The following ROBO1 variants were observed in gnomAD, a reference collection of about 807,000 sequenced individuals.
ROBO1 encodes the protein roundabout guidance receptor 1, also known as roundabout homolog 1.
In ROBO1, 149 loss-of-function variants were observed where a neutral mutation model predicts 195.9. The observed-to-expected ratio is 0.76, with a 90% confidence interval of 0.67 to 0.87. The LOEUF (loss-of-function observed/expected upper bound fraction) is 0.87, where lower values mean the gene tolerates loss of function less well. ROBO1 is among the 40% of genes least tolerant of loss of function. The probability of loss-of-function intolerance (pLI) is 0.00; values close to 1 mark genes in which losing one functional copy is unlikely to be tolerated. For missense variants in ROBO1, 1,933 were observed against 2,068.3 expected (o/e 0.93, Z 1.27); for synonymous variants, 816 against 733.2 (o/e 1.11, Z -1.82).
chr3:78,707,155 G>C (rs184276932), intron 8 of ROBO1, among the ~76,000 whole-genome samples: 2 of 152,082 alleles, frequency 1.3e-5, no homozygotes, highest in Non-Finnish European at 2.9e-5. Flanking sequence ...CATAAACTGC[G>C]GTGTCCTAGA....
At chr3:79,602,352 A>T (rs979552048) in intron 1 of ROBO1, among the ~76,000 whole-genome samples, 15 of 151,892 alleles carry the variant, frequency 9.9e-5, no homozygotes, top group Admixed American at 9.9e-4. Context: ...GGTAGGGAAA[A>T]TTTTTTCTGA....
chr3:78,651,618 A>T (rs1241131046), intron 19 of ROBO1, 114 bp downstream of exon 19: 2 of 775,134 alleles, frequency 2.6e-6, no homozygotes, highest in Non-Finnish European at 3.9e-6. Context: ...GAAAATCTTT[A>T]TATATTAAAA....
At chr3:79,404,052 G>A (rs1273724984) in intron 2 of ROBO1, among the ~76,000 whole-genome samples, 1 of 151,954 alleles carries the variant, frequency 6.6e-6, no homozygotes, top group Non-Finnish European at 1.5e-5. Flanking sequence ...TCATGCTTCT[G>A]TAGAGTTTTA....
chr3:79,721,682 G>A (rs1367477202), intron 1 of ROBO1, among the ~76,000 whole-genome samples: 1 of 152,206 alleles, frequency 6.6e-6, no homozygotes, highest in Non-Finnish European at 1.5e-5. Flanking sequence ...AATGCAGGAT[G>A]AGAAGTAGGG....
intron 4 of ROBO1, among the ~76,000 whole-genome samples, chr3:78,851,075 T>C (rs1292161214): frequency 6.6e-6 from 1 of 152,118 alleles, no homozygotes. Context: ...CTCCCAAAGC[T>C]GGGATTACAG....
chr3:79,672,221 A>C (rs1025675818), intron 1 of ROBO1, among the ~76,000 whole-genome samples: 2 of 151,974 alleles, frequency 1.3e-5, no homozygotes, highest in African/African-American at 4.8e-5. Flanking sequence ...TTTCTGAATG[A>C]ATTGTTCACT....
At chr3:79,721,206 A>G (rs1242416528) in intron 1 of ROBO1, among the ~76,000 whole-genome samples, 3 of 152,182 alleles carry the variant, frequency 2.0e-5, no homozygotes, top group African/African-American at 7.2e-5. Flanking sequence ...ATGCCAAGTG[A>G]AGAACCCCTG....
At chr3:79,525,557 A>ATATATATAT in intron 2 of ROBO1, among the ~76,000 whole-genome samples, 1 of 136,940 alleles carries the variant, frequency 7.3e-6, no homozygotes, top group African/African-American at 2.8e-5. Flanking sequence ...TATATATATA[A>ATATATATAT]ATATATATAT....
At position 78,717,708 on chromosome 3, in the gene ROBO1, C is replaced by A; in HGVS notation, c.778+55G>T. 3.8e-6 allele frequency: 6 copies of A among 1,580,460 alleles called. No homozygotes were observed. The South Asian group carries it at 5.7e-5, about 15-fold the overall frequency. On this transcript the variant is annotated intron_variant, in intron 6 of 30. Coordinates refer to ENST00000464233, the MANE Select transcript of ROBO1 (RefSeq NM_002941.4). Reference sequence around the variant, plus strand: ...TTTCTTTCCCCCTTGTATACAGACACAAAATGATAAGAGATCTATTTTTCA... The same window carrying A: ...TTTCTTTCCCCCTTGTATACAGACAAAAAATGATAAGAGATCTATTTTTCA...
At chr3:79,656,457 C>T (rs1946166276) in intron 1 of ROBO1, among the ~76,000 whole-genome samples, 1 of 152,076 alleles carries the variant, frequency 6.6e-6, no homozygotes, top group South Asian at 2.1e-4. Context: ...ACAGGAAATG[C>T]AAATTCCTAA....
chr3:78,617,595 A>C (rs774157548), intron 27 of ROBO1, 40 bp downstream of exon 27: 8 of 1,552,950 alleles, frequency 5.2e-6, no homozygotes, highest in Non-Finnish European at 7.0e-6. Context: ...ATATACATTG[A>C]GTTTTCTTTC....
intron 3 of ROBO1, among the ~76,000 whole-genome samples, chr3:79,030,922 A>G (rs905608361): frequency 6.6e-6 from 1 of 152,072 alleles, no homozygotes; most frequent in Non-Finnish European, 1.5e-5. Flanking sequence ...GGGTTTCTCC[A>G]TGTTGGCCAG....
intron 1 of ROBO1, among the ~76,000 whole-genome samples, chr3:79,664,850 A>C (rs1465025262): frequency 2.0e-5 from 3 of 152,008 alleles, no homozygotes; most frequent in African/African-American, 7.2e-5. Context: ...GTTTTCTGAA[A>C]AGTAAAGGAG....
intron 2 of ROBO1, among the ~76,000 whole-genome samples, chr3:79,332,847 G>C (rs1455955705): frequency 6.6e-6 from 1 of 152,162 alleles, no homozygotes; most frequent in Non-Finnish European, 1.5e-5. Flanking sequence ...ATCAAACACA[G>C]TCTCTGACCT....
chr3:78,944,271 G>A (rs1162204523), intron 3 of ROBO1, among the ~76,000 whole-genome samples: 3 of 152,210 alleles, frequency 2.0e-5, no homozygotes, highest in Non-Finnish European at 4.4e-5. Context: ...AACATGCTTT[G>A]TTCACACTTG....
intron 2 of ROBO1, among the ~76,000 whole-genome samples, chr3:79,333,030 C>T (rs893733803): frequency 6.6e-6 from 1 of 151,914 alleles, no homozygotes; most frequent in Non-Finnish European, 1.5e-5. Flanking sequence ...GGCGAAACCC[C>T]GTCTCTGCTG....
At chr3:79,565,396 C>G (rs1487883558) in intron 2 of ROBO1, among the ~76,000 whole-genome samples, 1 of 151,712 alleles carries the variant, frequency 6.6e-6, no homozygotes, top group Non-Finnish European at 1.5e-5. Context: ...TAAAGTGATA[C>G]TGTATTACTA....
chr3:78,648,453 G>A (rs1169166170), intron 19 of ROBO1, among the ~76,000 whole-genome samples: 2 of 151,976 alleles, frequency 1.3e-5, no homozygotes, highest in Non-Finnish European at 2.9e-5. Flanking sequence ...ACACCCTTCT[G>A]AAAACCTTCA....
At chr3:78,820,500 G>A (rs1483816913) in intron 4 of ROBO1, among the ~76,000 whole-genome samples, 2 of 152,076 alleles carry the variant, frequency 1.3e-5, no homozygotes, top group African/African-American at 2.4e-5. Flanking sequence ...TATAAAAAAT[G>A]GTAATCAAAC....
Sources: gnomAD v4.1 joint callset for allele counts (sites outside exome capture counted in the v4.1 genomes callset) on GRCh38, gnomAD v4.1.1 for gene constraint, MANE v1.5 for transcripts, NCBI Gene and HGNC (gene_info 2026-07-23, HGNC 2026-07-21) for gene names.